Variants in CPS1 observed in about 807,000 individuals in gnomAD.
The protein encoded by CPS1 is carbamoyl-phosphate synthase [ammonia], mitochondrial.
A neutral mutation model predicts 174.6 loss-of-function variants in CPS1; 109 were observed. The ratio of observed to expected loss-of-function variants is 0.62; its 90% CI spans 0.53 to 0.73. The LOEUF is 0.73. CPS1 is among the 30% of genes least tolerant of loss of function. The pLI, the probability that CPS1 is intolerant of heterozygous loss-of-function variation, is 0.00. For missense variants in CPS1, 1,689 were observed against 1,821.9 expected (o/e 0.93, Z 1.33); for synonymous variants, 637 against 632.0 (o/e 1.01, Z -0.12).
In CPS1 at chr2:210,678,246, G is replaced by A. The variant is rs1348574035; in HGVS notation, c.*261G>A. ...TTTTTGGTGGACTAGGCTTGCCTATGTGCTTATGTGTAGCTTTTTACTTTT... is the reference window on the plus strand; with the variant it reads ...TTTTTGGTGGACTAGGCTTGCCTATATGCTTATGTGTAGCTTTTTACTTTT... On this transcript the variant is annotated 3_prime_UTR_variant, in exon 38 of 38. Coordinates refer to ENST00000233072, the MANE Select transcript of CPS1 (RefSeq NM_001875.5). 5 of 506,426 alleles carry A rather than the reference G, an allele frequency of 9.9e-6. No homozygotes were observed. The highest frequency in any genetic ancestry group is 1.8e-5 in the Non-Finnish European group (5 of 279,034). 31.4% of individuals were successfully genotyped at this position (506,426 alleles called of 1,614,324 possible).
At chr2:210,583,972 T>G (rs1365788984) in intron 6 of CPS1, among the ~76,000 whole-genome samples, 1 of 152,106 alleles carries the variant, frequency 6.6e-6, no homozygotes. Context: ...CTGAATGAGG[T>G]CAGGTAAAAG....
intron 1 of CPS1, among the ~76,000 whole-genome samples, chr2:210,482,292 A>C (rs1197906653): frequency 6.6e-6 from 1 of 151,354 alleles, no homozygotes; most frequent in Admixed American, 6.6e-5. Context: ...ACTCTTGTAG[A>C]CTACGTTGAA....
intron 23 of CPS1, 55 bp downstream of exon 23, chr2:210,639,270 A>T (rs1483747659): frequency 7.7e-7 from 1 of 1,293,364 alleles, no homozygotes; most frequent in Non-Finnish European, 1.1e-6. Context: ...TAGACAGTTC[A>T]CATTAGGGAA....
chr2:210,546,311 T>G (rs1290002756), intron 1 of CPS1, among the ~76,000 whole-genome samples: 1 of 152,266 alleles, frequency 6.6e-6, no homozygotes, highest in Middle Eastern at 3.4e-3. Flanking sequence ...ACAGTGAAGA[T>G]ACTAATTTAG....
intron 21 of CPS1, among the ~76,000 whole-genome samples, chr2:210,629,611 A>G (rs750928718): frequency 2.7e-4 from 41 of 150,780 alleles, no homozygotes; most frequent in East Asian, 6.0e-4. Flanking sequence ...CACCGCGCCC[A>G]GCCAGAACAC....
chr2:210,569,828 A>G (rs1697420006), intron 1 of CPS1, among the ~76,000 whole-genome samples: 1 of 151,936 alleles, frequency 6.6e-6, no homozygotes, highest in African/African-American at 2.4e-5. Context: ...TCTTCTTTTC[A>G]TTAAGATTTC....
chr2:210,623,386 C>T (rs937098180), intron 21 of CPS1, among the ~76,000 whole-genome samples: 2 of 151,738 alleles, frequency 1.3e-5, no homozygotes, highest in East Asian at 3.9e-4. Context: ...ACAAATTATC[C>T]AGATATTGCT....
At chr2:210,644,942 G>A (rs1461637732) in intron 25 of CPS1, among the ~76,000 whole-genome samples, 1 of 152,088 alleles carries the variant, frequency 6.6e-6, no homozygotes, top group African/African-American at 2.4e-5. Flanking sequence ...AAATATTTTA[G>A]AAATCTATTA....
rs574133395 is a variant in CPS1, at chr2:210,595,780, T to C, written c.1359+198T>C. Among the ~76,000 whole-genome samples the C allele has an allele frequency of 5.3e-5, 8 of 152,110 alleles. No individual in the cohort carries two copies. In the East Asian group the frequency reaches 1.4e-3, roughly 26 times the overall value. ...CAACTTTCTGTAATGTGCACATCTG[T>C]AAATTGAGGAGGTTAATCTCCAAAA... On this transcript the variant is annotated intron_variant, in intron 13 of 37. Coordinates refer to ENST00000233072, the MANE Select transcript of CPS1 (RefSeq NM_001875.5).
Position 210,660,730 on chromosome 2 carries a change from C to G in CPS1, c.3927+75C>G, listed in dbSNP as rs1328614715. The G allele has an allele frequency of 2.8e-6, 4 of 1,435,676 alleles. No homozygotes were observed. The Admixed American group carries it at 6.9e-5, about 25-fold the overall frequency. 88.9% of individuals were successfully genotyped at this position (1,435,676 alleles called of 1,614,324 possible). On this transcript the variant is annotated intron_variant, in intron 32 of 37. Transcript: ENST00000233072. ...AAAAGAACAATTTGTCATCAAAAATCTTGTTACTTTTAAAACCTTCTAACT... is the reference window on the plus strand; with the variant it reads ...AAAAGAACAATTTGTCATCAAAAATGTTGTTACTTTTAAAACCTTCTAACT...
chr2:210,573,717 A>G (rs565244421), intron 2 of CPS1, among the ~76,000 whole-genome samples: 2 of 152,036 alleles, frequency 1.3e-5, no homozygotes, highest in Non-Finnish European at 2.9e-5. Flanking sequence ...GGTTTCTGTA[A>G]GGGGAGGTAT....
At chr2:210,618,586 A>G (rs972691605) in intron 21 of CPS1, 9 of 152,070 alleles carry the variant, frequency 5.9e-5, no homozygotes, top group African/African-American at 1.9e-4. Flanking sequence ...AATGATTGTT[A>G]TTTAGCGGTA....
chr2:210,673,761 A>T (rs903227720), intron 34 of CPS1: 1 of 152,212 alleles, frequency 6.6e-6, no homozygotes, highest in Non-Finnish European at 1.5e-5. Context: ...GCTTACTTCT[A>T]AATTAGTTTA....
At chr2:210,579,418 T>C (rs1368243750) in intron 4 of CPS1, among the ~76,000 whole-genome samples, 2 of 152,190 alleles carry the variant, frequency 1.3e-5, no homozygotes, top group African/African-American at 4.8e-5. Flanking sequence ...ACCAATGTGA[T>C]TTAACTTACT....
intron 1 of CPS1, among the ~76,000 whole-genome samples, chr2:210,500,746 C>A (rs557875053): frequency 2.0e-5 from 3 of 152,156 alleles, no homozygotes; most frequent in African/African-American, 7.2e-5. Context: ...GTTTTCCAGG[C>A]GTACTGTGAA....
intron 1 of CPS1, among the ~76,000 whole-genome samples, chr2:210,538,812 T>G (rs1356733207): frequency 6.6e-6 from 1 of 152,126 alleles, no homozygotes; most frequent in Non-Finnish European, 1.5e-5. Flanking sequence ...TTCAGTAACA[T>G]GAGCAGTGTA....
At chr2:210,668,076 ATGTGTGTGTGTG>A (rs3217217) in intron 33 of CPS1, 98 bp from the exon 34 acceptor site, 2 of 663,474 alleles carry the variant, frequency 3.0e-6, no homozygotes, top group South Asian at 1.6e-5. Context: ...TTGTGCGTGC[ATGTGTGTGTGTG>A]TGTGTGTGTG....
At chr2:210,483,033 C>T (rs1280785641) in intron 1 of CPS1, among the ~76,000 whole-genome samples, 1 of 152,130 alleles carries the variant, frequency 6.6e-6, no homozygotes, top group Non-Finnish European at 1.5e-5. Context: ...AACAACTAGT[C>T]AAGATAAGTC....
At chr2:210,555,619 T>A, upstream of CPS1, 1 of 455,634 alleles carries the variant, frequency 2.2e-6, no homozygotes, top group Non-Finnish European at 4.4e-6. Context: ...CTTTATGTCA[T>A]TTTCTGTCAT....
Sources: allele counts gnomAD v4.1 joint callset (sites outside exome capture counted in the v4.1 genomes callset), GRCh38; gene constraint gnomAD v4.1.1; transcripts MANE v1.5; gene names NCBI Gene and HGNC (gene_info 2026-07-23, HGNC 2026-07-21).